The following PLCL1 variants were observed in gnomAD, a reference collection of about 807,000 sequenced individuals.
PLCL1 encodes inactive phospholipase C-like protein 1.
PLCL1 carries 41 observed loss-of-function variants against 84.4 expected under a neutral mutation model. The ratio of observed to expected loss-of-function variants is 0.49; its 90% CI spans 0.38 to 0.63. PLCL1 has a LOEUF of 0.63. Among genes scored for constraint, PLCL1 ranks in the 30% least tolerant of loss-of-function variants. PLCL1 has a pLI of 0.00. For synonymous variants in PLCL1, 490 were observed against 488.3 expected (o/e 1.00, Z -0.05); for missense variants, 1,206 against 1,367.8 (o/e 0.88, Z 1.87).
intron 1 of PLCL1, among the ~76,000 whole-genome samples, chr2:197,963,356 A>G (rs1360298393): frequency 6.6e-6 from 1 of 152,072 alleles, no homozygotes; most frequent in African/African-American, 2.4e-5. Flanking sequence ...GCATCTTTTT[A>G]TATGCCTGTT....
At chr2:198,005,726 A>G (rs986234017) in intron 1 of PLCL1, among the ~76,000 whole-genome samples, 3 of 152,200 alleles carry the variant, frequency 2.0e-5, no homozygotes, top group African/African-American at 7.2e-5. Flanking sequence ...GCAGAGGCAA[A>G]GGGTTGCAGG....
At chr2:197,809,180 T>C (rs183724899) in intron 1 of PLCL1, among the ~76,000 whole-genome samples, 5 of 152,352 alleles carry the variant, frequency 3.3e-5, no homozygotes, top group Admixed American at 3.3e-4. Flanking sequence ...TGCCTACTAC[T>C]GTGAGTCATA....
At chr2:197,844,578 A>C (rs1687084561) in intron 1 of PLCL1, among the ~76,000 whole-genome samples, 1 of 152,038 alleles carries the variant, frequency 6.6e-6, no homozygotes, top group Admixed American at 6.6e-5. Context: ...CTAAGATTAT[A>C]AGGATCTTTG....
chr2:197,819,791 A>G (rs764861758), intron 1 of PLCL1, among the ~76,000 whole-genome samples: 1 of 151,434 alleles, frequency 6.6e-6, no homozygotes, highest in Admixed American at 6.6e-5. Context: ...AGATCTTACA[A>G]TATCTTCAAT....
chr2:197,901,349 G>A (rs1320398297), intron 1 of PLCL1, among the ~76,000 whole-genome samples: 1 of 152,106 alleles, frequency 6.6e-6, no homozygotes, highest in East Asian at 1.9e-4. Flanking sequence ...TTTGATACAG[G>A]TCAGTACTGT....
At chr2:197,816,045 G>T (rs113427486) in intron 1 of PLCL1, among the ~76,000 whole-genome samples, 1 of 152,120 alleles carries the variant, frequency 6.6e-6, no homozygotes, top group Non-Finnish European at 1.5e-5. Flanking sequence ...TTTTAAAAGA[G>T]GTTAGTTGTG....
chr2:198,027,482 A>G (rs1460765061), intron 1 of PLCL1, among the ~76,000 whole-genome samples: 1 of 152,188 alleles, frequency 6.6e-6, no homozygotes, highest in Non-Finnish European at 1.5e-5. Flanking sequence ...AAAATCTCCA[A>G]TAGAATAGAT....
chr2:197,901,023 TG>T (rs1559039807), intron 1 of PLCL1, among the ~76,000 whole-genome samples: 1 of 152,120 alleles, frequency 6.6e-6, no homozygotes, highest in East Asian at 1.9e-4. Context: ...AACAGAAAAA[TG>T]GATTAGGTAC....
At chr2:197,812,568 T>C (rs1434875000) in intron 1 of PLCL1, among the ~76,000 whole-genome samples, 1 of 152,236 alleles carries the variant, frequency 6.6e-6, no homozygotes, top group East Asian at 1.9e-4. Flanking sequence ...TTTTAAAATA[T>C]ATTTGTTGGC....
At chr2:197,902,738 C>T (rs1221745955) in intron 1 of PLCL1, among the ~76,000 whole-genome samples, 2 of 152,084 alleles carry the variant, frequency 1.3e-5, no homozygotes, top group African/African-American at 4.8e-5. Flanking sequence ...TTGAGAAAAC[C>T]CTGGGACAGC....
chr2:198,070,379 G>C (rs1030157866), intron 1 of PLCL1, among the ~76,000 whole-genome samples: 4 of 151,918 alleles, frequency 2.6e-5, no homozygotes, highest in African/African-American at 9.7e-5. Context: ...TCAAACCTTA[G>C]AGGTAGAAAA....
chr2:197,843,892 A>G (rs939052069), intron 1 of PLCL1, among the ~76,000 whole-genome samples: 2 of 152,152 alleles, frequency 1.3e-5, no homozygotes, highest in African/African-American at 4.8e-5. Flanking sequence ...GGATTTCTGA[A>G]TCAGGTTTTT....
At chr2:198,005,341 A>C (rs879470432) in intron 1 of PLCL1, among the ~76,000 whole-genome samples, 1 of 152,276 alleles carries the variant, frequency 6.6e-6, no homozygotes, top group Non-Finnish European at 1.5e-5. Flanking sequence ...TACCAGGGTT[A>C]ATATGATCTC....
At chr2:198,073,702 T>G (rs2105887441) in intron 1 of PLCL1, among the ~76,000 whole-genome samples, 1 of 152,272 alleles carries the variant, frequency 6.6e-6, no homozygotes, top group Non-Finnish European at 1.5e-5. Flanking sequence ...CTTTAAGGGG[T>G]TTGTTGCAAA....
chr2:197,912,239 A>G (rs1032991543), intron 1 of PLCL1, among the ~76,000 whole-genome samples: 2 of 152,076 alleles, frequency 1.3e-5, no homozygotes, highest in Non-Finnish European at 2.9e-5. Flanking sequence ...CAAAACCACA[A>G]TGAGATACCA....
intron 1 of PLCL1, among the ~76,000 whole-genome samples, chr2:197,992,545 T>C (rs1023120747): frequency 1.3e-5 from 2 of 152,168 alleles, no homozygotes; most frequent in Non-Finnish European, 2.9e-5. Flanking sequence ...ATTACATGCA[T>C]GAGCCACCAT....
At chr2:198,140,913 G>A (rs1052508281) in intron 5 of PLCL1, among the ~76,000 whole-genome samples, 1 of 152,036 alleles carries the variant, frequency 6.6e-6, no homozygotes, top group Non-Finnish European at 1.5e-5. Context: ...CATCCTTTAT[G>A]TAACTAATTA....
chr2:197,838,236 G>A (rs574478282), intron 1 of PLCL1, among the ~76,000 whole-genome samples: 1 of 152,324 alleles, frequency 6.6e-6, no homozygotes, highest in South Asian at 2.1e-4. Flanking sequence ...CTTTGGCTAT[G>A]TCAAGAGGTC....
chr2:198,103,746 T>C, intron 4 of PLCL1, 81 bp from the exon 5 acceptor site: 2 of 644,762 alleles, frequency 3.1e-6, no homozygotes, highest in Non-Finnish European at 2.7e-6. Flanking sequence ...GAAATTATAT[T>C]TTACTGATAA....
Sources: gnomAD v4.1 joint callset for allele counts (sites outside exome capture counted in the v4.1 genomes callset) on GRCh38, gnomAD v4.1.1 for gene constraint, MANE v1.5 for transcripts, NCBI Gene and HGNC (gene_info 2026-07-23, HGNC 2026-07-21) for gene names.